Variants in DLG2 observed in about 807,000 individuals in gnomAD.
DLG2 encodes the protein discs large MAGUK scaffold protein 2.
DLG2 carries 45 observed loss-of-function variants against 132.5 expected under a neutral mutation model. That is an observed-to-expected ratio of 0.34 (90% CI 0.27 to 0.44). The LOEUF is 0.44. Ranked by LOEUF, DLG2 falls within the 20% of genes least tolerant of loss-of-function variation. The probability of loss-of-function intolerance (pLI) is 1.00; values close to 1 mark genes in which losing one functional copy is unlikely to be tolerated. For missense variants in DLG2, 1,045 were observed against 1,196.9 expected, an observed-to-expected ratio of 0.87 and a Z score of 1.87; for synonymous variants, 424 against 419.6, an observed-to-expected ratio of 1.01 and a Z score of -0.13.
intron 19 of DLG2, among the ~76,000 whole-genome samples, chr11:83,550,595 G>A (rs1664927458): frequency 2.0e-5 from 3 of 152,112 alleles, no homozygotes; most frequent in African/African-American, 4.8e-5. Flanking sequence ...GGCATTTCAG[G>A]TTTCAGGGCT....
intron 18 of DLG2, among the ~76,000 whole-genome samples, chr11:83,661,180 C>A (rs1326392798): frequency 2.0e-5 from 3 of 152,104 alleles, no homozygotes; most frequent in Non-Finnish European, 4.4e-5. Flanking sequence ...GGGGAAAAAG[C>A]ATTTGCATTT....
chr11:84,784,357 TAAATAAATA>T (rs1565953419), intron 6 of DLG2, among the ~76,000 whole-genome samples: 6 of 148,558 alleles, frequency 4.0e-5, no homozygotes, highest in African/African-American at 1.5e-4. Flanking sequence ...AATAAATAAA[TAAATAAATA>T]AATTAAACAA....
At chr11:84,510,969 G>A (rs2099255602) in intron 7 of DLG2, among the ~76,000 whole-genome samples, 1 of 152,080 alleles carries the variant, frequency 6.6e-6, no homozygotes, top group African/African-American at 2.4e-5. Context: ...CCCCTACCAG[G>A]ATAACTTCTT....
chr11:85,555,513 C>A (rs2076891988), intron 3 of DLG2, among the ~76,000 whole-genome samples: 1 of 151,874 alleles, frequency 6.6e-6, no homozygotes, highest in South Asian at 2.1e-4. Flanking sequence ...GCCTTAGAAG[C>A]TGCCTAATTT....
intron 3 of DLG2, among the ~76,000 whole-genome samples, chr11:85,491,339 T>C (rs1216152441): frequency 6.6e-6 from 1 of 152,152 alleles, no homozygotes; most frequent in Non-Finnish European, 1.5e-5. Flanking sequence ...GATGAAAGCA[T>C]TTCCTCTAAG....
At chr11:83,474,191 T>A (rs2092388465) in intron 22 of DLG2, among the ~76,000 whole-genome samples, 1 of 152,044 alleles carries the variant, frequency 6.6e-6, no homozygotes, top group Non-Finnish European at 1.5e-5. Context: ...AGGGGTTTGG[T>A]CAGTGAGGAG....
intron 8 of DLG2, among the ~76,000 whole-genome samples, chr11:84,234,448 G>T (rs899189753): frequency 6.6e-6 from 1 of 152,184 alleles, no homozygotes; most frequent in African/African-American, 2.4e-5. Flanking sequence ...ACGAAAGTGC[G>T]TTGGTTCAGG....
intron 3 of DLG2, among the ~76,000 whole-genome samples, chr11:85,367,081 A>C (rs2084615629): frequency 6.6e-6 from 1 of 152,194 alleles, no homozygotes; most frequent in South Asian, 2.1e-4. Flanking sequence ...TTTAGCGTTA[A>C]CAATTCCATG....
At chr11:84,177,837 ATGT>A (rs777926636) in intron 8 of DLG2, among the ~76,000 whole-genome samples, 2 of 152,102 alleles carry the variant, frequency 1.3e-5, no homozygotes, top group African/African-American at 4.8e-5. Flanking sequence ...CACATGATAA[ATGT>A]TATTATTATA....
intron 5 of DLG2, among the ~76,000 whole-genome samples, chr11:85,144,726 A>T (rs1446824123): frequency 1.3e-5 from 2 of 151,964 alleles, no homozygotes; most frequent in African/African-American, 4.8e-5. Context: ...TCTACACTTT[A>T]TCCTCCATGT....
chr11:84,099,731 G>A (rs568097216), intron 9 of DLG2, among the ~76,000 whole-genome samples: 1 of 148,318 alleles, frequency 6.7e-6, no homozygotes, highest in South Asian at 2.1e-4. Flanking sequence ...CTGATATCCT[G>A]TGGGTGTGTA....
chr11:84,643,750 G>T (rs1180715578), intron 6 of DLG2, among the ~76,000 whole-genome samples: 1 of 152,096 alleles, frequency 6.6e-6, no homozygotes, highest in East Asian at 1.9e-4. Flanking sequence ...TCACTAGTTG[G>T]CAGAACAGCA....
chr11:84,024,767 T>C (rs1271720738), intron 11 of DLG2, among the ~76,000 whole-genome samples: 5 of 151,602 alleles, frequency 3.3e-5, no homozygotes, highest in Admixed American at 2.0e-4. Context: ...AATGAGGAGA[T>C]GATGGTTAAA....
chr11:83,973,275 A>T (rs551679376), intron 12 of DLG2, among the ~76,000 whole-genome samples: 2 of 152,140 alleles, frequency 1.3e-5, no homozygotes, highest in Non-Finnish European at 2.9e-5. Flanking sequence ...CAGCAACATG[A>T]TACTTACAGA....
intron 6 of DLG2, among the ~76,000 whole-genome samples, chr11:84,595,710 G>C (rs1219397812): frequency 6.6e-6 from 1 of 152,026 alleles, no homozygotes; most frequent in Non-Finnish European, 1.5e-5. Context: ...TTTAAGATTG[G>C]CTGAAAAAAG....
At chr11:84,642,276 C>A (rs897769604) in intron 6 of DLG2, among the ~76,000 whole-genome samples, 1 of 151,760 alleles carries the variant, frequency 6.6e-6, no homozygotes, top group African/African-American at 2.4e-5. Context: ...CCAAGTAACA[C>A]AGCAAAGTCC....
chr11:85,149,917 C>G (rs2077114646), intron 5 of DLG2, among the ~76,000 whole-genome samples: 1 of 150,568 alleles, frequency 6.6e-6, no homozygotes, highest in Non-Finnish European at 1.5e-5. Flanking sequence ...AGCCACTACT[C>G]TATATTGCCT....
intron 3 of DLG2, among the ~76,000 whole-genome samples, chr11:85,321,065 GA>G (rs1403355081): frequency 6.6e-6 from 1 of 151,854 alleles, no homozygotes; most frequent in Non-Finnish European, 1.5e-5. Flanking sequence ...TAGGGAATAG[GA>G]AACTATTGAG....
At chr11:84,086,999 C>A (rs2096995251) in intron 10 of DLG2, among the ~76,000 whole-genome samples, 2 of 152,110 alleles carry the variant, frequency 1.3e-5, no homozygotes, top group Non-Finnish European at 2.9e-5. Context: ...GTACTTTATT[C>A]CTTTTTCAGC....
Sources: allele counts gnomAD v4.1 joint callset (sites outside exome capture counted in the v4.1 genomes callset), GRCh38; gene constraint gnomAD v4.1.1; transcripts MANE v1.5; gene names NCBI Gene and HGNC (gene_info 2026-07-23, HGNC 2026-07-21).